Variants in ANTXR1 observed in about 807,000 individuals in gnomAD.
ANTXR1 encodes the protein ANTXR cell adhesion molecule 1.
A neutral mutation model predicts 78.1 loss-of-function variants in ANTXR1; 19 were observed. The observed-to-expected ratio is 0.24, with a 90% CI of 0.17 to 0.36. The LOEUF (loss-of-function observed/expected upper bound fraction) is 0.36. Among genes scored for constraint, ANTXR1 ranks in the 10% least tolerant of loss-of-function variants. ANTXR1 has a pLI of 1.00. For synonymous variants in ANTXR1, 273 were observed against 260.5 expected (o/e 1.05, Z -0.46); for missense variants, 518 against 718.6 (o/e 0.72, Z 3.19).
intron 17 of ANTXR1, among the ~76,000 whole-genome samples, chr2:69,206,059 G>A (rs532647703): frequency 6.5e-4 from 99 of 152,094 alleles, no homozygotes; most frequent in African/African-American, 9.2e-4. Flanking sequence ...GCAGTGTCAC[G>A]TTGAGAATCC....
At chr2:69,193,218 A>G in intron 16 of ANTXR1, 117 bp from the exon 17 acceptor site, 1 of 817,872 alleles carries the variant, frequency 1.2e-6, no homozygotes, top group Non-Finnish European at 2.2e-6. Context: ...TCATGACCAT[A>G]TTGACAGTGT....
chr2:69,169,872 A>G (rs11674190), intron 13 of ANTXR1, among the ~76,000 whole-genome samples: 40,946 of 152,274 alleles, frequency 0.27, 5,888 homozygotes, highest in South Asian at 0.46. Context: ...TCTTTGTTAA[A>G]TGTGTAGACG....
chr2:69,189,165 G>A (rs1674493975), intron 16 of ANTXR1, among the ~76,000 whole-genome samples: 1 of 152,206 alleles, frequency 6.6e-6, no homozygotes, highest in Non-Finnish European at 1.5e-5. Flanking sequence ...AGACTGGAGA[G>A]TTTAGGTTCA....
intron 1 of ANTXR1, among the ~76,000 whole-genome samples, chr2:69,020,394 C>CTGTTTTGTTTTGTTTTGTTTTGTTT (rs57902226): frequency 3.3e-5 from 5 of 151,302 alleles, no homozygotes; most frequent in African/African-American, 1.2e-4. Context: ...TAAGGCAAAA[C>CTGTTTTGTTTTGTTTTGTTTTGTTT]TGTTTTGTTT....
intron 4 of ANTXR1, among the ~76,000 whole-genome samples, chr2:69,071,322 C>A (rs1313317419): frequency 6.6e-6 from 1 of 152,176 alleles, no homozygotes; most frequent in East Asian, 1.9e-4. Flanking sequence ...TATGGTGTAG[C>A]CTATTGCTCC....
chr2:69,194,216 T>G (rs1309856717), intron 17 of ANTXR1, among the ~76,000 whole-genome samples: 4 of 152,236 alleles, frequency 2.6e-5, no homozygotes. Context: ...ACTATCACTA[T>G]TTCTTCATGT....
intron 10 of ANTXR1, among the ~76,000 whole-genome samples, chr2:69,115,070 G>C (rs1672097518): frequency 6.6e-6 from 1 of 152,054 alleles, no homozygotes. Flanking sequence ...AGTGGGGAGG[G>C]GCCTGTCCTG....
intron 10 of ANTXR1, among the ~76,000 whole-genome samples, chr2:69,120,277 G>A (rs1264410153): frequency 1.3e-5 from 2 of 152,150 alleles, no homozygotes; most frequent in Non-Finnish European, 2.9e-5. Context: ...ACAACTGAAA[G>A]CACCTTTATA....
chr2:69,155,218 G>A (rs1364319023), intron 13 of ANTXR1, among the ~76,000 whole-genome samples: 2 of 152,216 alleles, frequency 1.3e-5, no homozygotes, highest in African/African-American at 4.8e-5. Context: ...CTGATGGGGA[G>A]AGAGAAAACT....
intron 14 of ANTXR1, among the ~76,000 whole-genome samples, chr2:69,176,041 T>C (rs1410451482): frequency 1.3e-5 from 2 of 151,870 alleles, no homozygotes; most frequent in Non-Finnish European, 2.9e-5. Flanking sequence ...GTCAGGCATC[T>C]TCTTGCCAGT....
chr2:69,150,639 T>C (rs1310659265), intron 12 of ANTXR1, among the ~76,000 whole-genome samples: 2 of 143,040 alleles, frequency 1.4e-5, no homozygotes, highest in African/African-American at 5.4e-5. Context: ...ACAGTCTTTA[T>C]GTCTCTCTCA....
At chr2:69,184,160 C>T (rs745969720) in intron 16 of ANTXR1, among the ~76,000 whole-genome samples, 30 of 152,176 alleles carry the variant, frequency 2.0e-4, no homozygotes, top group Non-Finnish European at 4.4e-4. Context: ...TGGATCAGGG[C>T]TTCTCCAACA....
At chr2:69,075,773 T>A (rs1670712808) in intron 7 of ANTXR1, 115 bp downstream of exon 7, 1 of 985,078 alleles carries the variant, frequency 1.0e-6, no homozygotes, top group South Asian at 1.3e-5. Flanking sequence ...AAATAGGTTA[T>A]TTTTCTAGAA....
In ANTXR1 at chr2:69,040,115, G is replaced by A; in HGVS notation, c.224G>A (p.Ser75Asn). 1 of 1,612,614 alleles carries A rather than the reference G, an allele frequency of 6.2e-7. No individual in the cohort carries two copies. The highest frequency in any genetic ancestry group is 8.5e-7 in the Non-Finnish European group (1 of 1,178,950). The change falls in exon 2 of 18, where the codon AGC (serine) becomes AAC (asparagine). Residue 75 changes from serine to asparagine, a missense_variant and splice_region_variant. Physicochemically the swap from Ser to Asn is conservative, Grantham distance 46. Transcript: ENST00000303714. ...GAACAGTTGGCTCACAAATTCATCA[G>A]GTGAGAAACACTATGCATTTTGTTC... ...FVEQLAHKFISPQLRMSFIVF... is the reference protein window; with the variant it reads ...FVEQLAHKFINPQLRMSFIVF...
chr2:69,145,193 C>A lies in ANTXR1; in HGVS notation c.952-6976C>A. On this transcript the variant is annotated intron_variant, in intron 12 of 17. Coordinates refer to ENST00000303714, the MANE Select transcript of ANTXR1 (RefSeq NM_032208.3). ...TCCAGGGAAGATGCACAGCCAGAGGCAGAGTTACGGGGGGCTGATTCGCTT... is the reference window on the plus strand; with the variant it reads ...TCCAGGGAAGATGCACAGCCAGAGGAAGAGTTACGGGGGGCTGATTCGCTT... The A allele has an allele frequency of 4.7e-6, 4 of 853,042 alleles. No homozygotes were observed. In the South Asian group the frequency reaches 4.7e-5, roughly 10 times the overall value. 52.8% of individuals were successfully genotyped at this position (853,042 alleles called of 1,614,324 possible). A position where few individuals can be genotyped will look rare whatever the true frequency, so the allele number is the denominator to read the frequency against.
At chr2:69,115,510 A>G (rs75283216) in intron 10 of ANTXR1, among the ~76,000 whole-genome samples, 5,024 of 152,320 alleles carry the variant, frequency 0.033, 270 homozygotes, top group African/African-American at 0.11. Context: ...CATATTATAG[A>G]TGACAATTTT....
At position 69,061,505 on chromosome 2, in the gene ANTXR1, C is replaced by CA. The variant is rs59372854; in HGVS notation, c.297-9127dup. ...TTCAACAACAACAAAAAACAACTGC[C>CA]AAAAAAAAAAAAAAAGCTGGTCATT... On this transcript the variant is annotated intron_variant, in intron 3 of 17. Coordinates refer to ENST00000303714, the MANE Select transcript of ANTXR1 (RefSeq NM_032208.3). 6.2e-3 allele frequency among the ~76,000 whole-genome samples: 771 copies of CA among 125,118 alleles called. 1 individual carries two copies. The highest frequency in any genetic ancestry group is 9.0e-3 in the Non-Finnish European group (495 of 54,744). The allele number at this position is 125,118 out of a possible 152,430, so 82.1% of individuals were successfully genotyped here.
chr2:69,129,067 T>C (rs572486228), intron 12 of ANTXR1, among the ~76,000 whole-genome samples: 1 of 152,328 alleles, frequency 6.6e-6, no homozygotes, highest in South Asian at 2.1e-4. Context: ...TAAACTTTGG[T>C]GAGCTCCATG....
At chr2:69,172,391 G>GA (rs767312303) in intron 14 of ANTXR1, 47 of 1,611,254 alleles carry the variant, frequency 2.9e-5, no homozygotes, top group Admixed American at 5.0e-5. Context: ...ATAACAAGAA[G>GA]AAGAAAGAAA....
Sources: allele counts gnomAD v4.1 joint callset (sites outside exome capture counted in the v4.1 genomes callset), GRCh38; gene constraint gnomAD v4.1.1; transcripts MANE v1.5; gene names NCBI Gene and HGNC (gene_info 2026-07-23, HGNC 2026-07-21).